The following ADGRG7 variants were observed in gnomAD, a reference collection of about 807,000 sequenced individuals.
ADGRG7 encodes G-protein coupled receptor 128.
Under a neutral mutation model 88.6 loss-of-function variants are expected in ADGRG7, and 82 were observed. That is an observed-to-expected ratio of 0.93 (90% CI 0.77 to 1.11). The LOEUF is 1.11. Among genes scored for constraint, ADGRG7 ranks in the 50% most tolerant of loss-of-function variants. ADGRG7 has a pLI of 0.00. For missense variants in ADGRG7, 945 were observed against 953.4 expected (o/e 0.99, Z 0.12); for synonymous variants, 381 against 345.2 (o/e 1.10, Z -1.15).
At chr3:100,675,416 G>T (rs2094963795) in intron 15 of ADGRG7, among the ~76,000 whole-genome samples, 1 of 152,128 alleles carries the variant, frequency 6.6e-6, no homozygotes, top group South Asian at 2.1e-4. Context: ...GCATATGTAG[G>T]ACCATCCTTG....
At position 100,682,357 on chromosome 3, in the gene ADGRG7, G is replaced by C. The variant is rs183579148; in HGVS notation, c.2137-12387G>C. Among the ~76,000 whole-genome samples, 86 of 152,272 alleles carry C rather than the reference G, an allele frequency of 5.6e-4. 4 individuals carry two copies. The East Asian group carries it at 9.1e-3, about 16-fold the overall frequency. On this transcript the variant is annotated intron_variant, in intron 15 of 15. Coordinates refer to ENST00000273352, the MANE Select transcript of ADGRG7 (RefSeq NM_032787.3). Reference sequence around the variant, plus strand: ...GCCCGAGATGTAGAGCTGGGGTCACGCTTCAGGGGACCGGGGTGGGAAGTG... The same window carrying C: ...GCCCGAGATGTAGAGCTGGGGTCACCCTTCAGGGGACCGGGGTGGGAAGTG...
At chr3:100,618,244 G>T (rs1219939941) in intron 1 of ADGRG7, among the ~76,000 whole-genome samples, 3 of 152,108 alleles carry the variant, frequency 2.0e-5, no homozygotes, top group South Asian at 2.1e-4. Context: ...GTCAATTTTG[G>T]CTTTTGCTGC....
chr3:100,677,428 T>G (rs2094966948), intron 15 of ADGRG7, among the ~76,000 whole-genome samples: 1 of 152,156 alleles, frequency 6.6e-6, no homozygotes, highest in East Asian at 1.9e-4. Flanking sequence ...TATAGTTATT[T>G]TGATAGGTTC....
intron 10 of ADGRG7, among the ~76,000 whole-genome samples, 173 bp downstream of exon 10, chr3:100,646,897 C>T (rs991567174): frequency 3.9e-5 from 6 of 152,180 alleles, no homozygotes; most frequent in African/African-American, 1.2e-4. Flanking sequence ...CGGTGGCTCA[C>T]GCCTGTAACC....
In ADGRG7 at chr3:100,609,931, G is replaced by A. The variant is rs1223247698; in HGVS notation, c.75G>A (p.Leu25=). Residue 25 remains leucine (L), a synonymous_variant, in exon 1 of 16, where the codon TTG becomes TTA. Coordinates refer to ENST00000273352, the MANE Select transcript of ADGRG7 (RefSeq NM_032787.3). Reference sequence around the variant, plus strand: ...GTGGACTACTGACTGGCATCATTTTGGGACTGGGCATCTGGAGGATTGTGA... The same window carrying A: ...GTGGACTACTGACTGGCATCATTTTAGGACTGGGCATCTGGAGGATTGTGA... ...VVCGLLTGII[L]GLGIWRIVIR... is the part of the protein sequence containing the mutation. 1.2e-6 allele frequency: 2 copies of A among 1,613,800 alleles called. No homozygotes were observed. The highest frequency in any genetic ancestry group is 4.5e-5 in the East Asian group (2 of 44,866).
At chr3:100,625,827 A>G (rs1049228539) in intron 1 of ADGRG7, among the ~76,000 whole-genome samples, 1 of 152,224 alleles carries the variant, frequency 6.6e-6, no homozygotes, top group Non-Finnish European at 1.5e-5. Context: ...GTGATGGATT[A>G]CATTTATTGA....
intron 13 of ADGRG7, among the ~76,000 whole-genome samples, 185 bp from the exon 14 acceptor site, chr3:100,659,503 T>G (rs565277961): frequency 6.6e-6 from 1 of 151,592 alleles, no homozygotes; most frequent in Non-Finnish European, 1.5e-5. Context: ...TATAGTATAT[T>G]ATTTCACTTT....
intron 1 of ADGRG7, among the ~76,000 whole-genome samples, chr3:100,620,588 G>T (rs1456709303): frequency 6.6e-6 from 1 of 152,016 alleles, no homozygotes; most frequent in East Asian, 1.9e-4. Flanking sequence ...GAAATAAAGG[G>T]TATTCAATTA....
intron 13 of ADGRG7, 96 bp from the exon 14 acceptor site, chr3:100,659,592 C>T (rs2094942400): frequency 1.2e-5 from 13 of 1,042,432 alleles, no homozygotes; most frequent in Non-Finnish European, 1.8e-5. Context: ...TTTAGCAGAT[C>T]TTTCAGTTGA....
intron 1 of ADGRG7, among the ~76,000 whole-genome samples, chr3:100,617,311 C>T (rs1707239506): frequency 6.6e-6 from 1 of 151,918 alleles, no homozygotes; most frequent in Admixed American, 6.6e-5. Flanking sequence ...TGTTGGTGTG[C>T]TGCACCCATT....
At chr3:100,681,301 T>G (rs535415534) in intron 15 of ADGRG7, among the ~76,000 whole-genome samples, 99 of 150,848 alleles carry the variant, frequency 6.6e-4, no homozygotes, top group African/African-American at 2.3e-3. Context: ...ACATCTTTTC[T>G]TTTCTTTTTT....
At position 100,643,255 on chromosome 3, in the gene ADGRG7, A is replaced by G; in HGVS notation, c.699-11A>G. The G allele has an allele frequency of 6.2e-7, 1 of 1,610,350 alleles. No individual in the cohort carries two copies. The highest frequency in any genetic ancestry group is 1.7e-4 in the Middle Eastern group (1 of 6,028). Reference sequence around the variant, plus strand: ...AATCTTGAGTATTAAATTGTGTTTTATTATATGCAGGCTTATTGAGCAAAT... The same window carrying G: ...AATCTTGAGTATTAAATTGTGTTTTGTTATATGCAGGCTTATTGAGCAAAT... On this transcript the variant is annotated splice_polypyrimidine_tract_variant and intron_variant, in intron 6 of 15. Coordinates refer to ENST00000273352, the MANE Select transcript of ADGRG7 (RefSeq NM_032787.3).
At chr3:100,643,226 A>C (rs762111259) in intron 6 of ADGRG7, 40 bp from the exon 7 acceptor site, 1 of 1,582,302 alleles carries the variant, frequency 6.3e-7, no homozygotes, top group Non-Finnish European at 8.6e-7. Flanking sequence ...TCATTTTATG[A>C]CAAAATCTTG....
At chr3:100,625,162 C>A (rs1707365178) in intron 1 of ADGRG7, among the ~76,000 whole-genome samples, 1 of 152,172 alleles carries the variant, frequency 6.6e-6, no homozygotes, top group South Asian at 2.1e-4. Flanking sequence ...TTCTTCCTAT[C>A]CGTGAAGATG....
At chr3:100,620,918 G>A (rs1169510933) in intron 1 of ADGRG7, among the ~76,000 whole-genome samples, 3 of 151,454 alleles carry the variant, frequency 2.0e-5, no homozygotes, top group African/African-American at 2.4e-5. Flanking sequence ...ACATGTGCTC[G>A]CTTCATGTCT....
intron 8 of ADGRG7, 43 bp downstream of exon 8, chr3:100,643,676 T>A: frequency 8.0e-7 from 1 of 1,242,392 alleles, no homozygotes; most frequent in Non-Finnish European, 1.2e-6. Context: ...TGGACTCGAA[T>A]TCATGGAACT....
intron 15 of ADGRG7, among the ~76,000 whole-genome samples, chr3:100,682,198 C>T (rs540002997): frequency 6.6e-6 from 1 of 152,280 alleles, no homozygotes; most frequent in South Asian, 2.1e-4. Context: ...GGGAGCTGCC[C>T]TGATGGGGCC....
rs72915287 is a variant in ADGRG7 at position 100,677,752 on chromosome 3, T to C, written c.2136+8647T>C. On this transcript the variant is annotated intron_variant, in intron 15 of 15. Transcript: ENST00000273352. Reference sequence around the variant, plus strand: ...ACTTTAAATATGTCATGTCACTCTTTTTTGGGCTATAAGGTTTCTACTGAG... The same window carrying C: ...ACTTTAAATATGTCATGTCACTCTTCTTTGGGCTATAAGGTTTCTACTGAG... 4.9e-3 allele frequency among the ~76,000 whole-genome samples: 748 copies of C among 152,276 alleles called. 6 individuals carry two copies. Among genetic ancestry groups the C allele is most frequent in the African/African-American group, 0.017 (714 of 41,562 alleles).
chr3:100,635,346 G>T (rs550109365), intron 4 of ADGRG7, among the ~76,000 whole-genome samples: 11 of 152,114 alleles, frequency 7.2e-5, no homozygotes, highest in Non-Finnish European at 1.5e-4. Context: ...CTGACCAATT[G>T]CTTTCAGTTT....
Sources: gnomAD v4.1 joint callset for allele counts (sites outside exome capture counted in the v4.1 genomes callset) on GRCh38, gnomAD v4.1.1 for gene constraint, MANE v1.5 for transcripts, NCBI Gene and HGNC (gene_info 2026-07-23, HGNC 2026-07-21) for gene names.